ARHGAP35: variants seen among roughly 807,000 people sequenced by gnomAD.
ARHGAP35 encodes Rho GTPase activating protein 35.
In ARHGAP35, 15 loss-of-function variants were observed where a neutral mutation model predicts 111.1. The observed-to-expected ratio is 0.13, with a 90% CI of 0.09 to 0.21. The LOEUF (loss-of-function observed/expected upper bound fraction) is 0.21. ARHGAP35 is among the 10% of genes least tolerant of loss of function. The probability of loss-of-function intolerance (pLI) is 1.00; values close to 1 mark genes in which losing one functional copy is unlikely to be tolerated. For synonymous variants in ARHGAP35, 643 were observed against 710.3 expected (o/e 0.91, Z 1.51); for missense variants, 1,262 against 1,873.0 (o/e 0.67, Z 6.02).
chr19:47,005,056 A>G lies in ARHGAP35; in HGVS notation c.*4368A>G, dbSNP rs1050930639. 1.3e-5 allele frequency: 2 copies of G among 152,284 alleles called. No homozygotes were observed. The highest frequency in any genetic ancestry group is 2.9e-5 in the Non-Finnish European group (2 of 68,074). The allele number at this position is 152,284 out of a possible 1,614,324, so 9.4% of individuals were successfully genotyped here. A position where few individuals can be genotyped will look rare whatever the true frequency, so the allele number is the denominator to read the frequency against. On this transcript the variant is annotated 3_prime_UTR_variant, in exon 7 of 7. Coordinates refer to ENST00000672722, the MANE Select transcript of ARHGAP35 (RefSeq NM_004491.5). Reference sequence around the variant, plus strand: ...ATGTGATCTGTATCATAGTTAATAAATGAATCTTGTAAAAAACCAAACCTG... The same window carrying G: ...ATGTGATCTGTATCATAGTTAATAAGTGAATCTTGTAAAAAACCAAACCTG...
At position 47,000,929 on chromosome 19, in the gene ARHGAP35, G is replaced by A. The variant is rs1384748299; in HGVS notation, c.*241G>A. The A allele has an allele frequency of 6.5e-7, 1 of 1,527,922 alleles. No homozygotes were observed. The highest frequency in any genetic ancestry group is 8.8e-7 in the Non-Finnish European group (1 of 1,142,136). The allele number at this position is 1,527,922 out of a possible 1,614,324, so 94.6% of individuals were successfully genotyped here. On this transcript the variant is annotated 3_prime_UTR_variant, in exon 7 of 7. Transcript: ENST00000672722. The surrounding 1 kb of genome is among the most constrained non-coding windows in gnomAD (Gnocchi z 6.9). ...CCCATTTGAGGACTGAACTAGGCAG[G>A]CAATGGCTCCAGTGCCCTCCCTCTG...
intron 2 of ARHGAP35, among the ~76,000 whole-genome samples, chr19:46,934,557 G>A (rs2056293323): frequency 6.6e-6 from 1 of 152,144 alleles, no homozygotes; most frequent in South Asian, 2.1e-4. Flanking sequence ...TGTAGAGACA[G>A]GGTTTCACTA....
intron 3 of ARHGAP35, among the ~76,000 whole-genome samples, chr19:46,941,876 T>TAAAAAAAA (rs71179279): frequency 1.1e-5 from 1 of 94,552 alleles, no homozygotes; most frequent in African/African-American, 4.3e-5. Flanking sequence ...CCTGTCTCTT[T>TAAAAAAAA]AAAAAAAAAA....
At chr19:46,987,581 T>C (rs896900825) in intron 3 of ARHGAP35, among the ~76,000 whole-genome samples, 1 of 152,222 alleles carries the variant, frequency 6.6e-6, no homozygotes, top group African/African-American at 2.4e-5. Context: ...TTTAAAATCA[T>C]GTAAAAGAAT....
intron 2 of ARHGAP35, among the ~76,000 whole-genome samples, chr19:46,928,758 C>A (rs1465153271): frequency 6.6e-6 from 1 of 151,982 alleles, no homozygotes; most frequent in African/African-American, 2.4e-5. Flanking sequence ...ATGGCGAAAC[C>A]CCGTCTCTAC....
intron 3 of ARHGAP35, among the ~76,000 whole-genome samples, chr19:46,960,514 G>A (rs1408229139): frequency 6.6e-6 from 1 of 152,096 alleles, no homozygotes; most frequent in Admixed American, 6.6e-5. Context: ...TCTTATTAGA[G>A]AACAGATTGG....
At chr19:46,960,437 C>T (rs559405877) in intron 3 of ARHGAP35, among the ~76,000 whole-genome samples, 2 of 152,250 alleles carry the variant, frequency 1.3e-5, no homozygotes, top group African/African-American at 4.8e-5. Flanking sequence ...GTGGCTTCCT[C>T]AGGTCTTTTG....
Position 46,999,177 on chromosome 19 carries a change from A to G in ARHGAP35, c.4037-127A>G. 1.6e-6 allele frequency: 1 copy of G among 644,938 alleles called. No homozygotes were observed. The highest frequency in any genetic ancestry group is 2.7e-6 in the Non-Finnish European group (1 of 366,514). The allele number at this position is 644,938 out of a possible 1,614,324, so 40.0% of individuals were successfully genotyped here. On this transcript the variant is annotated intron_variant, in intron 5 of 6. Coordinates refer to ENST00000672722, the MANE Select transcript of ARHGAP35 (RefSeq NM_004491.5). The surrounding 1 kb of genome is among the most constrained non-coding windows in gnomAD (Gnocchi z 5.4). Reference sequence around the variant, plus strand: ...AGCCTTGGGCACAGGCTTTGGGGGAAAGAGTGGGGTTAGTGTCATCCAAAA... The same window carrying G: ...AGCCTTGGGCACAGGCTTTGGGGGAGAGAGTGGGGTTAGTGTCATCCAAAA...
chr19:46,999,665 G>A lies in ARHGAP35; in HGVS notation c.4142+256G>A, dbSNP rs575412364. On this transcript the variant is annotated intron_variant, in intron 6 of 6. Coordinates refer to ENST00000672722, the MANE Select transcript of ARHGAP35 (RefSeq NM_004491.5). This position sits in a 1 kb window ranked among gnomAD's most constrained non-coding sequence, Gnocchi z 5.4. ...CTCAAACCTGCCTAACACCAGATAG[G>A]GCACTTAGCTCCAGCGGGCATGGGG... 1 of 486,796 alleles carries A rather than the reference G, an allele frequency of 2.1e-6. No individual in the cohort carries two copies. Among genetic ancestry groups the A allele is most frequent in the Non-Finnish European group, 3.7e-6 (1 of 272,624 alleles). The allele number at this position is 486,796 out of a possible 1,614,324, so 30.2% of individuals were successfully genotyped here.
chr19:46,985,889 TG>T (rs987656144), intron 3 of ARHGAP35, among the ~76,000 whole-genome samples: 5 of 78 alleles, frequency 0.064, no homozygotes, highest in African/African-American at 0.13. Context: ...TCAAGAAGTC[TG>T]GGACCCCCAG....
chr19:46,893,160 G>A (rs1029493554), intron 1 of ARHGAP35, among the ~76,000 whole-genome samples: 2 of 152,146 alleles, frequency 1.3e-5, no homozygotes, highest in African/African-American at 2.4e-5. Flanking sequence ...AATTCTGCGG[G>A]GGAGCTTGGG....
intron 3 of ARHGAP35, chr19:46,949,080 CCGGGAGGCGGAGCTTGT>C (rs1362582932): frequency 2.0e-5 from 3 of 151,856 alleles, no homozygotes; most frequent in Non-Finnish European, 4.4e-5. Flanking sequence ...TGGCGTGAAC[CCGGGAGGCGGAGCTTGT>C]AGCCAGCCAA....
At position 46,999,264 on chromosome 19, in the gene ARHGAP35, C is replaced by T. The variant is rs773246033; in HGVS notation, c.4037-40C>T. 1.0e-5 allele frequency: 15 copies of T among 1,452,210 alleles called. No homozygotes were observed. The highest frequency in any genetic ancestry group is 9.8e-5 in the East Asian group (4 of 40,904). 90.0% of individuals were successfully genotyped at this position (1,452,210 alleles called of 1,614,324 possible). A position where few individuals can be genotyped will look rare whatever the true frequency, so the allele number is the denominator to read the frequency against. ...CACGCCCTGGGGTGGCCACCAGCCT[C>T]GGCCATGAAAGGCAAGGCTTTGGTT... On this transcript the variant is annotated intron_variant, in intron 5 of 6. Coordinates refer to ENST00000672722, the MANE Select transcript of ARHGAP35 (RefSeq NM_004491.5). This position sits in a 1 kb window ranked among gnomAD's most constrained non-coding sequence, Gnocchi z 5.4.
chr19:46,863,066 T>A (rs1382685515), intron 1 of ARHGAP35, among the ~76,000 whole-genome samples: 1 of 151,592 alleles, frequency 6.6e-6, no homozygotes. Flanking sequence ...TTTTTTTTTT[T>A]CCTTCCCCTT....
chr19:46,867,527 T>C (rs981647156), intron 1 of ARHGAP35, among the ~76,000 whole-genome samples: 1 of 152,176 alleles, frequency 6.6e-6, no homozygotes, highest in African/African-American at 2.4e-5. Context: ...TGGACTACAG[T>C]TCCTTCATTT....
chr19:46,983,554 G>A (rs1157722745), intron 3 of ARHGAP35, among the ~76,000 whole-genome samples: 1 of 150,598 alleles, frequency 6.6e-6, no homozygotes, highest in Non-Finnish European at 1.5e-5. Context: ...AACAGCTATG[G>A]CTGTTAATAG....
At chr19:46,890,830 G>C (rs1226108038) in intron 1 of ARHGAP35, among the ~76,000 whole-genome samples, 1 of 152,222 alleles carries the variant, frequency 6.6e-6, no homozygotes, top group Non-Finnish European at 1.5e-5. Context: ...GTCGACAACA[G>C]TATACGGTTC....
chr19:46,940,550 A>T (rs553008761), intron 3 of ARHGAP35, among the ~76,000 whole-genome samples: 86 of 152,042 alleles, frequency 5.7e-4, no homozygotes, highest in Admixed American at 3.7e-3. Flanking sequence ...CCAAAAAAAT[A>T]AAATCACCAA....
At chr19:46,862,869 C>T (rs1253252835) in intron 1 of ARHGAP35, among the ~76,000 whole-genome samples, 1 of 152,120 alleles carries the variant, frequency 6.6e-6, no homozygotes, top group Non-Finnish European at 1.5e-5. Context: ...CACTGTTCTG[C>T]CTCTTGTCTT....
Sources: gnomAD v4.1 joint callset for allele counts (sites outside exome capture counted in the v4.1 genomes callset) on GRCh38, gnomAD v4.1.1 for gene constraint, Gnocchi (gnomAD v3.1) non-coding constraint, MANE v1.5 for transcripts, NCBI Gene and HGNC (gene_info 2026-07-23, HGNC 2026-07-21) for gene names.